CCDC146: variants seen among roughly 807,000 people sequenced by gnomAD.
The protein encoded by CCDC146 is coiled-coil domain-containing protein 146.
CCDC146 carries 92 observed loss-of-function variants against 119.3 expected under a neutral mutation model. That is an observed-to-expected ratio of 0.77 (90% CI 0.65 to 0.92). The LOEUF (loss-of-function observed/expected upper bound fraction) is 0.92, where lower values mean the gene tolerates loss of function less well. Among genes scored for constraint, CCDC146 ranks in the 40% least tolerant of loss-of-function variants. The probability of loss-of-function intolerance (pLI) is 0.00; values close to 1 mark genes in which losing one functional copy is unlikely to be tolerated. For missense variants in CCDC146, 1,000 were observed against 1,103.0 expected, an observed-to-expected ratio of 0.91 and a Z score of 1.32; for synonymous variants, 372 against 371.8, an observed-to-expected ratio of 1.00 and a Z score of -0.01.
intron 2 of CCDC146, among the ~76,000 whole-genome samples, chr7:77,202,071 T>A (rs1300454021): frequency 2.6e-5 from 4 of 152,268 alleles, no homozygotes; most frequent in Non-Finnish European, 4.4e-5. Context: ...TACTCAGCAC[T>A]ATGCTAGAGC....
intron 1 of CCDC146, among the ~76,000 whole-genome samples, chr7:77,159,771 T>C (rs1264533328): frequency 6.6e-6 from 1 of 152,228 alleles, no homozygotes; most frequent in Non-Finnish European, 1.5e-5. Flanking sequence ...TTCCTTTTTC[T>C]TCACATTCTT....
chr7:77,222,254 C>T (rs771615669), intron 2 of CCDC146, among the ~76,000 whole-genome samples: 1 of 152,140 alleles, frequency 6.6e-6, no homozygotes, highest in Non-Finnish European at 1.5e-5. Flanking sequence ...TGTGAGTAGC[C>T]GTGAAAGGCT....
intron 9 of CCDC146, 64 bp from the exon 10 acceptor site, chr7:77,273,630 C>T: frequency 2.4e-6 from 3 of 1,253,732 alleles, no homozygotes; most frequent in South Asian, 2.5e-5. Flanking sequence ...AAGCAATTCT[C>T]TGCCTCAGCC....
Position 77,278,987 on chromosome 7 carries a change from A to G in CCDC146, c.1580A>G (p.Lys527Arg). 1 of 1,612,494 alleles carries G rather than the reference A, an allele frequency of 6.2e-7. No individual in the cohort carries two copies. Among genetic ancestry groups the G allele is most frequent in the African/African-American group, 1.3e-5 (1 of 74,922 alleles). ...LYDTIRNERN[K>R]FVNLLHKAHQ... ...GACACCATTCGAAATGAAAGAAACA[A>G]ATTTGTTAACTTACTCCACAAAGCT... The change falls in exon 13 of 19, where the codon AAA (lysine) becomes AGA (arginine). Residue 527 changes from lysine (K) to arginine (R), a missense_variant. Transcript: ENST00000285871.
chr7:77,261,021 C>A (rs1793286549), intron 8 of CCDC146, among the ~76,000 whole-genome samples: 1 of 152,120 alleles, frequency 6.6e-6, no homozygotes, highest in Admixed American at 6.5e-5. Context: ...TATAAGACTG[C>A]AGTTCTAAAT....
intron 2 of CCDC146, chr7:77,199,456 C>G (rs1791941389): frequency 6.2e-7 from 1 of 1,614,024 alleles, no homozygotes; most frequent in Admixed American, 1.7e-5. Context: ...TAACAACAGT[C>G]CGTTTCTGCC....
At chr7:77,148,187 G>A (rs112972178) in intron 1 of CCDC146, among the ~76,000 whole-genome samples, 1,674 of 152,300 alleles carry the variant, frequency 0.011, 23 homozygotes, top group African/African-American at 0.038. Context: ...GCGAGGCTCC[G>A]TGGGTGTGGG....
chr7:77,249,622 G>A (rs1793020791), intron 4 of CCDC146, among the ~76,000 whole-genome samples: 1 of 151,284 alleles, frequency 6.6e-6, no homozygotes, highest in Admixed American at 6.6e-5. Context: ...TTAATTTAGT[G>A]ACTCATCTTT....
intron 1 of CCDC146, among the ~76,000 whole-genome samples, chr7:77,164,482 C>T (rs760342880): frequency 2.0e-5 from 3 of 152,144 alleles, no homozygotes; most frequent in Non-Finnish European, 4.4e-5. Flanking sequence ...ATACCACTGG[C>T]TATTAACATC....
intron 2 of CCDC146, among the ~76,000 whole-genome samples, chr7:77,231,578 C>T (rs1259129147): frequency 6.6e-6 from 1 of 151,992 alleles, no homozygotes; most frequent in Non-Finnish European, 1.5e-5. Flanking sequence ...CTCAAATCTA[C>T]TGTTGAACTC....
At chr7:77,175,490 A>G (rs1791486841) in intron 2 of CCDC146, among the ~76,000 whole-genome samples, 2 of 150,556 alleles carry the variant, frequency 1.3e-5, no homozygotes, top group South Asian at 2.1e-4. Flanking sequence ...ATGTGTACCA[A>G]TCATCATGGG....
At chr7:77,235,779 C>T (rs1299608710) in intron 2 of CCDC146, among the ~76,000 whole-genome samples, 1 of 152,122 alleles carries the variant, frequency 6.6e-6, no homozygotes, top group African/African-American at 2.4e-5. Context: ...ATTCAATAAG[C>T]ACTTTAGAGG....
At chr7:77,183,794 C>T (rs3095465) in intron 2 of CCDC146, among the ~76,000 whole-genome samples, 44,967 of 152,070 alleles carry the variant, frequency 0.3, 7,005 homozygotes, top group East Asian at 0.43. Flanking sequence ...GCTTTGGGAA[C>T]GTTGAGAACA....
intron 17 of CCDC146, among the ~76,000 whole-genome samples, chr7:77,291,024 G>C (rs918990441): frequency 1.4e-4 from 21 of 152,108 alleles, no homozygotes; most frequent in African/African-American, 3.4e-4. Context: ...ACTTTAATTT[G>C]GGGGGGTGCC....
chr7:77,274,657 C>G lies in CCDC146; in HGVS notation c.1440+5C>G. The G allele has an allele frequency of 6.2e-7, 1 of 1,602,458 alleles. No individual in the cohort carries two copies. Among genetic ancestry groups the G allele is most frequent in the Non-Finnish European group, 8.5e-7 (1 of 1,176,058 alleles). On this transcript the variant is annotated splice_donor_5th_base_variant and intron_variant, in intron 11 of 18. Transcript: ENST00000285871. Reference sequence around the variant, plus strand: ...AAGGATTTCCTGAAAGCTCAGGTAACTGCATTTTTTTAACCATTCATTGAT... The same window carrying G: ...AAGGATTTCCTGAAAGCTCAGGTAAGTGCATTTTTTTAACCATTCATTGAT...
At chr7:77,147,555 T>C (rs1791040339) in intron 1 of CCDC146, among the ~76,000 whole-genome samples, 1 of 152,222 alleles carries the variant, frequency 6.6e-6, no homozygotes, top group Admixed American at 6.5e-5. Context: ...CTACCTTTGG[T>C]CTTTGATGAT....
At chr7:77,268,036 G>C (rs1254594274) in intron 9 of CCDC146, among the ~76,000 whole-genome samples, 1 of 152,134 alleles carries the variant, frequency 6.6e-6, no homozygotes, top group Non-Finnish European at 1.5e-5. Flanking sequence ...GTATTAGAAA[G>C]GACTTACAGG....
chr7:77,280,566 G>C lies in CCDC146; in HGVS notation c.1832G>C (p.Arg611Thr). The C allele has an allele frequency of 6.2e-7, 1 of 1,614,118 alleles. No homozygotes were observed. The highest frequency in any genetic ancestry group is 8.5e-7 in the Non-Finnish European group (1 of 1,180,004). Residue 611 changes from arginine to threonine, a missense_variant, in exon 14 of 19, where the codon AGA (arginine) becomes ACA (threonine). By Grantham distance (71) the Arg-to-Thr change is moderately conservative. Transcript: ENST00000285871. ...KKEAQLNNID[R>T]LANTITMIEE... ...GAAGCCCAGTTAAATAACATTGACA[G>C]ACTTGCCAACACGATCACAATGATC...
At chr7:77,286,545 C>G (rs1793851165) in intron 15 of CCDC146, among the ~76,000 whole-genome samples, 1 of 152,140 alleles carries the variant, frequency 6.6e-6, no homozygotes, top group Admixed American at 6.5e-5. Context: ...GTGAAACCAG[C>G]TTTTTCTATG....
Sources: allele counts gnomAD v4.1 joint callset (sites outside exome capture counted in the v4.1 genomes callset), GRCh38; gene constraint gnomAD v4.1.1; transcripts MANE v1.5; gene names NCBI Gene and HGNC (gene_info 2026-07-23, HGNC 2026-07-21).